TENM4: variants seen among roughly 807,000 people sequenced by gnomAD.
TENM4 encodes the protein teneurin-4.
Under a neutral mutation model 243.3 loss-of-function variants are expected in TENM4, and 82 were observed. That is an observed-to-expected ratio of 0.34 (90% CI 0.28 to 0.40). The LOEUF (loss-of-function observed/expected upper bound fraction) is 0.40. Among genes scored for constraint, TENM4 ranks in the 10% least tolerant of loss-of-function variants. TENM4 has a pLI of 1.00. For missense variants in TENM4, 3,138 were observed against 3,673.3 expected (o/e 0.85, Z 3.77); for synonymous variants, 1,412 against 1,456.3 (o/e 0.97, Z 0.69).
chr11:79,173,901 A>C (rs1863103896), intron 3 of TENM4, among the ~76,000 whole-genome samples: 1 of 152,256 alleles, frequency 6.6e-6, no homozygotes, highest in Non-Finnish European at 1.5e-5. Flanking sequence ...GAATGTTGTC[A>C]TTTGTGCAAA....
intron 18 of TENM4, among the ~76,000 whole-genome samples, chr11:78,765,083 T>G (rs1856515994): frequency 6.6e-6 from 1 of 152,200 alleles, no homozygotes; most frequent in South Asian, 2.1e-4. Context: ...CTTCCTTGGC[T>G]TGACGACCCA....
chr11:78,688,252 T>A (rs1465288318), intron 28 of TENM4, 26 bp from the exon 29 acceptor site: 1 of 1,602,704 alleles, frequency 6.2e-7, no homozygotes, highest in Admixed American at 1.7e-5. Flanking sequence ...TGGCACTGAG[T>A]AGTAGAAATA....
At chr11:79,398,737 TAAAAAAAAAAA>T (rs5792854) in intron 1 of TENM4, among the ~76,000 whole-genome samples, 3 of 102,768 alleles carry the variant, frequency 2.9e-5, no homozygotes, top group Admixed American at 2.2e-4. Context: ...TCAGATGCTT[TAAAAAAAAAAA>T]AAAAAAAAAA....
At chr11:79,315,016 T>C (rs1458408196) in intron 1 of TENM4, among the ~76,000 whole-genome samples, 5 of 152,226 alleles carry the variant, frequency 3.3e-5, no homozygotes, top group African/African-American at 1.2e-4. Flanking sequence ...CTTAGGGTTC[T>C]AAAGAGTTAT....
At chr11:78,902,229 G>C (rs370837302) in intron 7 of TENM4, among the ~76,000 whole-genome samples, 1 of 152,230 alleles carries the variant, frequency 6.6e-6, no homozygotes, top group Non-Finnish European at 1.5e-5. Flanking sequence ...GCTTATCTCA[G>C]AGTGGTAGGA....
At chr11:79,418,031 T>C (rs575567200) in intron 1 of TENM4, among the ~76,000 whole-genome samples, 1 of 152,326 alleles carries the variant, frequency 6.6e-6, no homozygotes, top group Admixed American at 6.5e-5. Context: ...AAACGGTGTA[T>C]GTATCAGTAG....
intron 2 of TENM4, among the ~76,000 whole-genome samples, chr11:79,224,366 T>C (rs1471515549): frequency 6.6e-6 from 1 of 152,034 alleles, no homozygotes; most frequent in East Asian, 1.9e-4. Flanking sequence ...CAGAACCTGA[T>C]CAAAGATGAA....
In TENM4 at chr11:78,855,959, G is replaced by A. The variant is rs1364826037; in HGVS notation, c.1470+5C>T. The A allele has an allele frequency of 6.4e-7, 1 of 1,551,064 alleles. No homozygotes were observed. Among genetic ancestry groups the A allele is most frequent in the East Asian group, 2.4e-5 (1 of 40,922 alleles). The stretch of plus-strand genomic sequence containing the variant: ...GATCAACAGGGTATGTGGGGTTCTG[G>A]TTACCTGTGTATGTGAAGGAGGGAG... On this transcript the variant is annotated splice_donor_5th_base_variant and intron_variant, in intron 11 of 33. Transcript: ENST00000278550.
chr11:78,893,974 T>C (rs1855731850), intron 7 of TENM4, among the ~76,000 whole-genome samples: 1 of 152,206 alleles, frequency 6.6e-6, no homozygotes, highest in Non-Finnish European at 1.5e-5. Flanking sequence ...AGAAGTCTTA[T>C]CTGTCTTGTT....
At chr11:79,068,935 G>A (rs1860337512) in intron 5 of TENM4, among the ~76,000 whole-genome samples, 1 of 152,160 alleles carries the variant, frequency 6.6e-6, no homozygotes. Context: ...GCAACAGGGA[G>A]TCACCCCCAA....
intron 4 of TENM4, among the ~76,000 whole-genome samples, chr11:79,148,109 T>C (rs1215418019): frequency 6.6e-6 from 1 of 152,128 alleles, no homozygotes; most frequent in Non-Finnish European, 1.5e-5. Context: ...TTCTCATCCA[T>C]ATACTGGGCA....
At chr11:78,775,233 A>T (rs1856718393) in intron 17 of TENM4, among the ~76,000 whole-genome samples, 1 of 152,158 alleles carries the variant, frequency 6.6e-6, no homozygotes, top group Non-Finnish European at 1.5e-5. Flanking sequence ...CATTCCATGG[A>T]ACCCCCTCTG....
chr11:78,838,917 A>T (rs1858185900), intron 12 of TENM4, among the ~76,000 whole-genome samples: 1 of 152,176 alleles, frequency 6.6e-6, no homozygotes, highest in South Asian at 2.1e-4. Context: ...GTTACATTTG[A>T]TGCTTTTCCA....
At chr11:79,058,367 C>G (rs1859994072) in intron 6 of TENM4, among the ~76,000 whole-genome samples, 1 of 151,952 alleles carries the variant, frequency 6.6e-6, no homozygotes, top group African/African-American at 2.4e-5. Context: ...CACAGTGAAA[C>G]CCTGTCTCTA....
intron 3 of TENM4, among the ~76,000 whole-genome samples, chr11:79,156,176 A>C (rs886560030): frequency 6.6e-6 from 1 of 152,174 alleles, no homozygotes; most frequent in Non-Finnish European, 1.5e-5. Flanking sequence ...CCAGAGGGAC[A>C]GGTCTGGGCT....
At chr11:79,025,566 T>A (rs1257972281) in intron 6 of TENM4, among the ~76,000 whole-genome samples, 3 of 152,132 alleles carry the variant, frequency 2.0e-5, no homozygotes, top group African/African-American at 7.2e-5. Flanking sequence ...GGATAGATAC[T>A]CTGTGGTAGG....
intron 32 of TENM4, among the ~76,000 whole-genome samples, chr11:78,665,180 C>G (rs564428258): frequency 1.3e-5 from 2 of 150,966 alleles, no homozygotes; most frequent in South Asian, 4.2e-4. Context: ...TCTTTCTTTT[C>G]TTTTCTTTTT....
At chr11:79,350,703 G>A (rs1294318029) in intron 1 of TENM4, among the ~76,000 whole-genome samples, 3 of 151,510 alleles carry the variant, frequency 2.0e-5, no homozygotes, top group South Asian at 4.2e-4. Context: ...GCTTCCCAAA[G>A]TGCTGGAATT....
chr11:78,894,675 G>C (rs1283592628), intron 7 of TENM4, among the ~76,000 whole-genome samples: 2 of 152,110 alleles, frequency 1.3e-5, no homozygotes, highest in Admixed American at 6.5e-5. Context: ...CTGGAATTTG[G>C]AGAGACATGA....
Sources: allele counts gnomAD v4.1 joint callset (sites outside exome capture counted in the v4.1 genomes callset), GRCh38; gene constraint gnomAD v4.1.1; transcripts MANE v1.5; gene names NCBI Gene and HGNC (gene_info 2026-07-23, HGNC 2026-07-21).